The following NEBL variants were observed in gnomAD, a reference collection of about 807,000 sequenced individuals.
The protein encoded by NEBL is nebulette, also known as LIM and SH3 protein 2.
NEBL carries 122 observed loss-of-function variants against 140.2 expected under a neutral mutation model. The ratio of observed to expected loss-of-function variants is 0.87; its 90% CI spans 0.75 to 1.01. The LOEUF (loss-of-function observed/expected upper bound fraction) is 1.01, where lower values mean the gene tolerates loss of function less well. Ranked by LOEUF, NEBL falls within the 50% of genes least tolerant of loss-of-function variation. The pLI is 0.00. For missense variants in NEBL, 1,365 were observed against 1,231.3 expected, an observed-to-expected ratio of 1.11 and a Z score of -1.62; for synonymous variants, 436 against 398.9, an observed-to-expected ratio of 1.09 and a Z score of -1.11.
chr10:21,116,456 A>T (rs569984483), intron 2 of NEBL, among the ~76,000 whole-genome samples: 6 of 152,236 alleles, frequency 3.9e-5, no homozygotes, highest in South Asian at 4.1e-4. Context: ...TAATTACCAA[A>T]TTACCAAAGT....
intron 3 of NEBL, chr10:20,961,925 C>T (rs1836070343): frequency 1.5e-6 from 1 of 645,860 alleles, no homozygotes. Flanking sequence ...CAGAAGGAAA[C>T]AGCCAGGCTA....
chr10:20,949,719 G>T (rs1835363141), intron 4 of NEBL, among the ~76,000 whole-genome samples: 1 of 151,858 alleles, frequency 6.6e-6, no homozygotes, highest in Non-Finnish European at 1.5e-5. Flanking sequence ...GAATACTGTG[G>T]TTTGATTTCC....
At chr10:21,174,025 G>A in exon 1 of NEBL, 4 of 1,150,572 alleles carry the variant, frequency 3.5e-6, no homozygotes, top group Non-Finnish European at 4.3e-6. Context: ...CCTGGGGCCG[G>A]CCGCGCTCTC....
intron 2 of NEBL, among the ~76,000 whole-genome samples, chr10:21,046,500 T>A (rs1434399624): frequency 1.3e-5 from 2 of 152,178 alleles, no homozygotes; most frequent in African/African-American, 4.8e-5. Flanking sequence ...TTCTAAAAAA[T>A]AATTAACAAA....
chr10:20,891,208 G>A (rs911135208), intron 2 of NEBL, among the ~76,000 whole-genome samples: 1 of 152,154 alleles, frequency 6.6e-6, no homozygotes, highest in Non-Finnish European at 1.5e-5. Context: ...GTGACTCTTG[G>A]ATATCAGATG....
chr10:21,154,492 C>CA (rs1554829499), intron 2 of NEBL, among the ~76,000 whole-genome samples: 1 of 145,722 alleles, frequency 6.9e-6, no homozygotes, highest in Non-Finnish European at 1.5e-5. Context: ...ACAATGTAAA[C>CA]AAGCTATAAC....
intron 3 of NEBL, among the ~76,000 whole-genome samples, chr10:20,970,464 C>A (rs1200401998): frequency 6.6e-6 from 1 of 151,946 alleles, no homozygotes; most frequent in Non-Finnish European, 1.5e-5. Context: ...CACAGTGAGA[C>A]CTTGTCTCTG....
At chr10:21,261,142 T>C (rs1842733475) in intron 1 of NEBL, among the ~76,000 whole-genome samples, 1 of 152,150 alleles carries the variant, frequency 6.6e-6, no homozygotes, top group African/African-American at 2.4e-5. Flanking sequence ...CCTATTAGAC[T>C]AAACACACCC....
At chr10:20,837,347 G>C (rs1840999117) in intron 13 of NEBL, among the ~76,000 whole-genome samples, 1 of 152,168 alleles carries the variant, frequency 6.6e-6, no homozygotes, top group Admixed American at 6.5e-5. Flanking sequence ...GGTCAAACCA[G>C]ACAAAACATT....
intron 3 of NEBL, among the ~76,000 whole-genome samples, chr10:21,200,709 A>T (rs2132226612): frequency 6.6e-6 from 1 of 152,342 alleles, no homozygotes; most frequent in South Asian, 2.1e-4. Context: ...TCCTGGAGTC[A>T]GAGCAGAGGC....
At chr10:21,198,111 T>C (rs1002168700) in intron 3 of NEBL, among the ~76,000 whole-genome samples, 55 of 152,080 alleles carry the variant, frequency 3.6e-4, no homozygotes, top group Admixed American at 2.6e-4. Flanking sequence ...GTCTGTAGCA[T>C]CATACCTTAC....
chr10:21,188,188 TAAG>T (rs1179055045), intron 3 of NEBL, among the ~76,000 whole-genome samples: 1 of 152,216 alleles, frequency 6.6e-6, no homozygotes, highest in Non-Finnish European at 1.5e-5. Flanking sequence ...CTCATGGACC[TAAG>T]AAGATTTGCT....
At chr10:21,074,186 C>A (rs1429872029) in intron 2 of NEBL, among the ~76,000 whole-genome samples, 1 of 152,224 alleles carries the variant, frequency 6.6e-6, no homozygotes, top group Non-Finnish European at 1.5e-5. Context: ...GACCTCTCCC[C>A]ACCCTAGGCC....
chr10:21,071,182 A>G (rs1185382628), intron 2 of NEBL, among the ~76,000 whole-genome samples: 2 of 149,928 alleles, frequency 1.3e-5, no homozygotes, highest in African/African-American at 4.9e-5. Context: ...ACAATAAATA[A>G]TAATAATATT....
At chr10:20,836,620 G>A (rs1002509887) in intron 13 of NEBL, among the ~76,000 whole-genome samples, 5 of 152,130 alleles carry the variant, frequency 3.3e-5, no homozygotes, top group African/African-American at 9.7e-5. Context: ...GCATGCGCTG[G>A]GGTGGAGCCA....
intron 3 of NEBL, among the ~76,000 whole-genome samples, chr10:21,246,500 GGGCCAGGCACAAT>G (rs1416126250): frequency 6.6e-6 from 1 of 151,530 alleles, no homozygotes; most frequent in Admixed American, 6.6e-5. Context: ...TTTTTTAATT[GGGCCAGGCACAAT>G]GGCTCACGCC....
intron 7 of NEBL, among the ~76,000 whole-genome samples, chr10:20,861,863 C>T (rs922734715): frequency 3.9e-5 from 6 of 152,118 alleles, no homozygotes; most frequent in Non-Finnish European, 7.4e-5. Flanking sequence ...GGTTGCATCT[C>T]AGTAAACCCA....
At chr10:21,110,730 C>A in intron 2 of NEBL, 1 of 502,428 alleles carries the variant, frequency 2.0e-6, no homozygotes, top group African/African-American at 1.9e-5. Context: ...GCCCCAGAAC[C>A]AACAAAGATT....
At chr10:21,243,366 GT>G (rs1195268745) in intron 3 of NEBL, among the ~76,000 whole-genome samples, 2 of 149,212 alleles carry the variant, frequency 1.3e-5, no homozygotes, top group African/African-American at 5.0e-5. Flanking sequence ...GAGTGCAGTG[GT>G]ACAATCTCAG....
Sources: allele counts gnomAD v4.1 joint callset (sites outside exome capture counted in the v4.1 genomes callset), GRCh38; gene constraint gnomAD v4.1.1; transcripts MANE v1.5; gene names NCBI Gene and HGNC (gene_info 2026-07-23, HGNC 2026-07-21).